The following FER variants were observed in gnomAD, a reference collection of about 807,000 sequenced individuals.
The protein encoded by FER is FER tyrosine kinase, also known as tyrosine-protein kinase Fer.
In FER, 63 loss-of-function variants were observed where a neutral mutation model predicts 111.0. The observed-to-expected ratio is 0.57, with a 90% CI of 0.46 to 0.70. The LOEUF is 0.70. FER is among the 30% of genes least tolerant of loss of function. FER has a pLI of 0.00. For missense variants in FER, 914 were observed against 954.0 expected (o/e 0.96, Z 0.55); for synonymous variants, 327 against 313.9 (o/e 1.04, Z -0.44).
intron 16 of FER, among the ~76,000 whole-genome samples, chr5:109,070,170 A>G (rs1211158718): frequency 1.3e-5 from 2 of 151,854 alleles, no homozygotes; most frequent in Admixed American, 6.6e-5. Flanking sequence ...ATGTCCCTGC[A>G]AGTCCAGAAA....
At chr5:109,184,341 A>G (rs1357647179) in intron 18 of FER, among the ~76,000 whole-genome samples, 3 of 152,186 alleles carry the variant, frequency 2.0e-5, no homozygotes, top group Admixed American at 6.5e-5. Context: ...GATAAGAACA[A>G]TAGGACCTTT....
chr5:108,820,216 G>T (rs1300823123), intron 3 of FER: 37 of 985,290 alleles, frequency 3.8e-5, no homozygotes, highest in Admixed American at 6.2e-5. Flanking sequence ...CTGGACGTGA[G>T]CTATAAAAGT....
intron 1 of FER, among the ~76,000 whole-genome samples, chr5:108,766,055 A>C (rs1292980051): frequency 6.6e-6 from 1 of 151,844 alleles, no homozygotes; most frequent in African/African-American, 2.4e-5. Context: ...TTAGCCTCTC[A>C]AGTAGCAGGG....
rs569003425 is a variant in FER, at chr5:108,845,064, A to G, written c.481+9257A>G. ...TACATATATATATATATATATATAT[A>G]TATACACACACACACACACACACAC... On this transcript the variant is annotated intron_variant, in intron 5 of 19. Transcript: ENST00000281092. Among the ~76,000 whole-genome samples the G allele has an allele frequency of 5.0e-3, 360 of 71,622 alleles. 6 individuals are homozygous for G. Among genetic ancestry groups the G allele is most frequent in the African/African-American group, 0.02 (328 of 16,772 alleles). 47.0% of individuals were successfully genotyped at this position (71,622 alleles called of 152,430 possible).
At chr5:108,845,524 T>G (rs913911707) in intron 5 of FER, among the ~76,000 whole-genome samples, 8 of 152,120 alleles carry the variant, frequency 5.3e-5, no homozygotes, top group African/African-American at 1.7e-4. Context: ...GATTTTTTAC[T>G]TATAGGATCA....
chr5:108,856,170 G>A (rs1409564541), intron 5 of FER, among the ~76,000 whole-genome samples: 1 of 152,058 alleles, frequency 6.6e-6, no homozygotes, highest in Admixed American at 6.6e-5. Flanking sequence ...GAGATGGAGA[G>A]ATATAAATTC....
At chr5:108,807,631 T>G (rs1757337609) in intron 3 of FER, among the ~76,000 whole-genome samples, 1 of 152,222 alleles carries the variant, frequency 6.6e-6, no homozygotes, top group Admixed American at 6.5e-5. Context: ...CAGTTTTTCT[T>G]TGGTTTTGGT....
intron 16 of FER, among the ~76,000 whole-genome samples, chr5:109,063,101 A>G (rs1259395018): frequency 6.7e-6 from 1 of 149,830 alleles, no homozygotes; most frequent in African/African-American, 2.4e-5. Context: ...AGACATGATT[A>G]TTTATATTGT....
chr5:109,136,503 ATTC>A (rs889538327), intron 17 of FER, among the ~76,000 whole-genome samples: 4 of 152,160 alleles, frequency 2.6e-5, no homozygotes, highest in Non-Finnish European at 5.9e-5. Context: ...TCTCACAGTT[ATTC>A]TTTAATCTGT....
intron 17 of FER, among the ~76,000 whole-genome samples, chr5:109,129,809 T>G (rs1273268988): frequency 6.6e-6 from 1 of 151,828 alleles, no homozygotes; most frequent in Non-Finnish European, 1.5e-5. Flanking sequence ...CTCCTAAGAG[T>G]TTGTCTTAAG....
At chr5:108,785,480 G>A in intron 2 of FER, 1 of 572,292 alleles carries the variant, frequency 1.7e-6, no homozygotes. Flanking sequence ...GGCCTGGTCT[G>A]TTGGTGGTCA....
chr5:108,952,119 T>C (rs1757832037), intron 11 of FER, among the ~76,000 whole-genome samples: 1 of 152,112 alleles, frequency 6.6e-6, no homozygotes, highest in Non-Finnish European at 1.5e-5. Flanking sequence ...TTATTAACTG[T>C]ACTGTATTAA....
chr5:109,017,582 T>A (rs1036717911), intron 13 of FER, among the ~76,000 whole-genome samples: 2 of 152,048 alleles, frequency 1.3e-5, no homozygotes, highest in Non-Finnish European at 2.9e-5. Flanking sequence ...GATAACTTAT[T>A]TGCATATCAT....
At chr5:109,137,302 A>G (rs937505724) in intron 17 of FER, among the ~76,000 whole-genome samples, 4 of 152,224 alleles carry the variant, frequency 2.6e-5, no homozygotes, top group African/African-American at 9.6e-5. Flanking sequence ...CTCTTCTTCA[A>G]CTATGTACCA....
At chr5:108,882,768 T>C (rs760368305) in intron 8 of FER, among the ~76,000 whole-genome samples, 4 of 151,910 alleles carry the variant, frequency 2.6e-5, no homozygotes, top group African/African-American at 4.8e-5. Flanking sequence ...ATGTATGTTT[T>C]TGTGGTAGAA....
intron 1 of FER, among the ~76,000 whole-genome samples, chr5:108,750,568 A>G (rs1750366971): frequency 1.3e-5 from 2 of 152,232 alleles, no homozygotes; most frequent in African/African-American, 4.8e-5. Context: ...ACAGCATTAA[A>G]TATACATAAT....
At chr5:108,781,931 T>TC (rs1754132309) in intron 2 of FER, among the ~76,000 whole-genome samples, 1 of 149,226 alleles carries the variant, frequency 6.7e-6, no homozygotes, top group African/African-American at 2.5e-5. Flanking sequence ...TTTTTTTTTT[T>TC]CCCCCACCCT....
chr5:109,004,686 A>G (rs1031759282), intron 13 of FER, among the ~76,000 whole-genome samples: 11 of 152,308 alleles, frequency 7.2e-5, no homozygotes, highest in African/African-American at 2.6e-4. Flanking sequence ...ACAGAGCATT[A>G]TAGTGTTGGT....
At chr5:109,026,397 G>T (rs1220451089) in intron 13 of FER, among the ~76,000 whole-genome samples, 2 of 151,926 alleles carry the variant, frequency 1.3e-5, no homozygotes, top group African/African-American at 4.8e-5. Flanking sequence ...ATAGATTCCA[G>T]ATGGGCAACT....
Sources: gnomAD v4.1 joint callset for allele counts (sites outside exome capture counted in the v4.1 genomes callset) on GRCh38, gnomAD v4.1.1 for gene constraint, MANE v1.5 for transcripts, NCBI Gene and HGNC (gene_info 2026-07-23, HGNC 2026-07-21) for gene names.